MALRD1: variants seen among roughly 807,000 people sequenced by gnomAD.
MALRD1 encodes the protein MAM and LDL-receptor class A domain-containing protein 1.
A neutral mutation model predicts 242.1 loss-of-function variants in MALRD1; 247 were observed. The ratio of observed to expected loss-of-function variants is 1.02; its 90% confidence interval spans 0.92 to 1.13. MALRD1 has a LOEUF of 1.13. MALRD1 is among the 50% of genes most tolerant of loss of function. MALRD1 has a pLI of 0.00. For missense variants in MALRD1, 2,989 were observed against 2,533.1 expected, an observed-to-expected ratio of 1.18 and a Z score of -3.86; for synonymous variants, 995 against 866.6, an observed-to-expected ratio of 1.15 and a Z score of -2.60.
intron 28 of MALRD1, among the ~76,000 whole-genome samples, chr10:19,446,668 G>T (rs969351636): frequency 6.6e-5 from 10 of 152,156 alleles, no homozygotes; most frequent in African/African-American, 2.4e-4. Flanking sequence ...CAAGACAAAA[G>T]TTCCATGCAT....
intron 33 of MALRD1, among the ~76,000 whole-genome samples, chr10:19,580,842 A>G (rs551335787): frequency 5.3e-5 from 8 of 152,190 alleles, no homozygotes; most frequent in Admixed American, 2.0e-4. Context: ...ACATTTGGTC[A>G]TGGCCAAACA....
At chr10:19,644,754 A>G (rs1291320553) in intron 36 of MALRD1, among the ~76,000 whole-genome samples, 1 of 152,296 alleles carries the variant, frequency 6.6e-6, no homozygotes, top group Admixed American at 6.5e-5. Context: ...TTACTTTCAG[A>G]TGGTGAATTT....
chr10:19,417,653 G>A (rs189248691), intron 28 of MALRD1, among the ~76,000 whole-genome samples: 71 of 152,186 alleles, frequency 4.7e-4, no homozygotes, highest in South Asian at 3.3e-3. Context: ...TTAAGTCAGC[G>A]TATGTAATAG....
intron 2 of MALRD1, among the ~76,000 whole-genome samples, chr10:19,067,189 G>A (rs1344793705): frequency 1.3e-5 from 2 of 151,936 alleles, no homozygotes; most frequent in South Asian, 4.2e-4. Context: ...AACATAAATG[G>A]GACAATATAC....
chr10:19,457,160 GA>G (rs940567479), intron 29 of MALRD1, among the ~76,000 whole-genome samples: 10 of 152,074 alleles, frequency 6.6e-5, no homozygotes, highest in Admixed American at 6.6e-4. Context: ...AATATCAGCT[GA>G]GTTGATTTCC....
chr10:19,532,430 A>G (rs1010789036), intron 32 of MALRD1, among the ~76,000 whole-genome samples: 3 of 151,992 alleles, frequency 2.0e-5, no homozygotes, highest in Admixed American at 2.0e-4. Context: ...AATTTTTTGT[A>G]CTTTTAGTAG....
chr10:19,423,046 A>G (rs112527117), intron 28 of MALRD1, among the ~76,000 whole-genome samples: 13 of 152,278 alleles, frequency 8.5e-5, no homozygotes, highest in African/African-American at 2.9e-4. Context: ...CTATGCTGTC[A>G]GGTTGGAGGA....
intron 26 of MALRD1, among the ~76,000 whole-genome samples, chr10:19,353,651 A>C (rs1431492879): frequency 1.3e-5 from 2 of 152,206 alleles, no homozygotes; most frequent in African/African-American, 4.8e-5. Flanking sequence ...CTGTAATGAA[A>C]GGGAAATATA....
At chr10:19,664,725 T>C (rs1841600266) in intron 36 of MALRD1, among the ~76,000 whole-genome samples, 1 of 151,860 alleles carries the variant, frequency 6.6e-6, no homozygotes, top group Non-Finnish European at 1.5e-5. Context: ...ATTTAAAAAT[T>C]CAGAAGCTTA....
chr10:19,454,434 T>TATATATATATATATATATATATATATA (rs1835524028), intron 29 of MALRD1, among the ~76,000 whole-genome samples: 1 of 59,984 alleles, frequency 1.7e-5, no homozygotes, highest in African/African-American at 7.0e-5. Context: ...ATATATATAA[T>TATATATATATATATATATATATATATA]TATATGATAC....
At chr10:19,166,995 C>T (rs1834711863) in intron 13 of MALRD1, among the ~76,000 whole-genome samples, 1 of 152,060 alleles carries the variant, frequency 6.6e-6, no homozygotes, top group East Asian at 1.9e-4. Flanking sequence ...AGCAATACTC[C>T]AGGGGAGTCT....
rs948188616 is a variant in MALRD1, at chr10:19,103,910, A to G, written c.598-69A>G. On this transcript the variant is annotated intron_variant, in intron 4 of 39. Transcript: ENST00000454679. ...CTTCCTATTGCAGGCTCTCTTTTATAACACTGTGAGACAGTGATGTTCCTT... is the reference window on the plus strand; with the variant it reads ...CTTCCTATTGCAGGCTCTCTTTTATGACACTGTGAGACAGTGATGTTCCTT... 4 of 948,676 alleles carry G rather than the reference A, an allele frequency of 4.2e-6. No individual in the cohort carries two copies. The African/African-American group carries it at 6.8e-5, about 16-fold the overall frequency. The allele number at this position is 948,676 out of a possible 1,614,324, so 58.8% of individuals were successfully genotyped here. A position where few individuals can be genotyped will look rare whatever the true frequency, so the allele number is the denominator to read the frequency against.
intron 36 of MALRD1, among the ~76,000 whole-genome samples, chr10:19,616,576 A>G (rs1210456351): frequency 6.6e-6 from 1 of 152,000 alleles, no homozygotes; most frequent in African/African-American, 2.4e-5. Context: ...AATTGTGTTT[A>G]TGCCTTTATA....
chr10:19,455,697 A>G (rs1227834112), intron 29 of MALRD1, among the ~76,000 whole-genome samples: 1 of 152,176 alleles, frequency 6.6e-6, no homozygotes, highest in African/African-American at 2.4e-5. Context: ...TGTTTTAGGG[A>G]CAACACTTTT....
intron 21 of MALRD1, among the ~76,000 whole-genome samples, chr10:19,291,166 T>C (rs937527276): frequency 7.9e-5 from 12 of 152,174 alleles, no homozygotes; most frequent in African/African-American, 2.9e-4. Context: ...CTTTTTTTAG[T>C]ATAAAATTAT....
At chr10:19,193,381 C>T (rs1457998544) in intron 14 of MALRD1, among the ~76,000 whole-genome samples, 1 of 152,022 alleles carries the variant, frequency 6.6e-6, no homozygotes, top group Non-Finnish European at 1.5e-5. Flanking sequence ...CATGGCAAAA[C>T]CTCATCTCTA....
intron 26 of MALRD1, among the ~76,000 whole-genome samples, chr10:19,384,685 G>T (rs1235668675): frequency 7.6e-6 from 1 of 132,210 alleles, no homozygotes; most frequent in African/African-American, 2.8e-5. Context: ...ATAATATATA[G>T]TATAGATAAA....
At chr10:19,706,921 A>T (rs991452149) in intron 38 of MALRD1, among the ~76,000 whole-genome samples, 2 of 152,092 alleles carry the variant, frequency 1.3e-5, no homozygotes, top group African/African-American at 4.8e-5. Flanking sequence ...GGCTACTTGG[A>T]GTGACAGGTC....
intron 29 of MALRD1, chr10:19,488,884 A>C (rs1388471956): frequency 2.8e-6 from 1 of 354,798 alleles, no homozygotes; most frequent in Non-Finnish European, 5.6e-6. Context: ...TTTTGTTAAG[A>C]ATACTTTGCA....
Sources: gnomAD v4.1 joint callset for allele counts (sites outside exome capture counted in the v4.1 genomes callset) on GRCh38, gnomAD v4.1.1 for gene constraint, MANE v1.5 for transcripts, NCBI Gene and HGNC (gene_info 2026-07-23, HGNC 2026-07-21) for gene names.